CHD1: variants seen among roughly 807,000 people sequenced by gnomAD.
CHD1 encodes ATP-dependent chromatin remodeler CHD1.
A neutral mutation model predicts 224.2 loss-of-function variants in CHD1; 36 were observed. The observed-to-expected ratio is 0.16, with a 90% CI of 0.12 to 0.21. The LOEUF (loss-of-function observed/expected upper bound fraction) is 0.21, where lower values mean the gene tolerates loss of function less well. Among genes scored for constraint, CHD1 ranks in the 10% least tolerant of loss-of-function variants. CHD1 has a pLI of 1.00. For missense variants in CHD1, 1,378 were observed against 1,994.8 expected, an observed-to-expected ratio of 0.69 and a Z score of 5.89; for synonymous variants, 668 against 658.3, an observed-to-expected ratio of 1.01 and a Z score of -0.23.
Position 98,905,044 on chromosome 5 carries a change from A to G in CHD1, c.108T>C (p.Ser36=), listed in dbSNP as rs1178447016. ...SASGSGSGSS[S]GSSSDGSSSQ... ...TACTGCTTCCATCACTACTGCTTCC[A>G]GAACTCGAACCAGATCCAGAGCCTG... is the stretch of plus-strand genomic sequence containing the variant. Residue 36 remains serine, a synonymous_variant, in exon 3 of 36, where the codon TCT becomes TCC. Coordinates refer to ENST00000614616, the MANE Select transcript of CHD1 (RefSeq NM_001270.4). The G allele has an allele frequency of 1.9e-6, 3 of 1,587,972 alleles. No individual in the cohort carries two copies. In the Admixed American group the frequency reaches 5.0e-5, roughly 26 times the overall value.
chr5:98,928,826 G>A lies in CHD1; in HGVS notation c.-436C>T. The A allele has an allele frequency of 6.2e-6, 1 of 160,248 alleles. No individual in the cohort carries two copies. Among genetic ancestry groups the A allele is most frequent in the Non-Finnish European group, 1.4e-5 (1 of 73,900 alleles). 9.9% of individuals were successfully genotyped at this position (160,248 alleles called of 1,614,324 possible). The stretch of plus-strand genomic sequence containing the variant: ...AGTCGTCGCCGCCGCCGCCGCCGCC[G>A]TCGCGCGCGCGCTCCCGCTCCCTCC... On this transcript the variant is annotated 5_prime_UTR_variant, in exon 1 of 36. In the 5' UTR this introduces an upstream ATG that the reference lacks. Coordinates refer to ENST00000614616, the MANE Select transcript of CHD1 (RefSeq NM_001270.4).
chr5:98,862,977 A>T (rs939608204), intron 32 of CHD1, among the ~76,000 whole-genome samples: 8 of 152,072 alleles, frequency 5.3e-5, no homozygotes, highest in Admixed American at 1.3e-4. Context: ...TATTTTCCTA[A>T]TTTTTTGCAT....
chr5:98,926,220 C>T (rs1052869513), intron 2 of CHD1, 114 bp downstream of exon 2: 58 of 634,818 alleles, frequency 9.1e-5, no homozygotes, highest in Non-Finnish European at 1.4e-4. Flanking sequence ...AGAGGAAAAC[C>T]TGAAAACTCT....
At position 98,898,556 on chromosome 5, in the gene CHD1, T is replaced by C. The variant is rs530558759; in HGVS notation, c.1186+108A>G. 4.2e-6 allele frequency: 5 copies of C among 1,204,004 alleles called. No homozygotes were observed. The Admixed American group carries it at 1.0e-4, about 24-fold the overall frequency. The allele number at this position is 1,204,004 out of a possible 1,614,324, so 74.6% of individuals were successfully genotyped here. A position where few individuals can be genotyped will look rare whatever the true frequency, so the allele number is the denominator to read the frequency against. On this transcript the variant is annotated intron_variant, in intron 9 of 35. Coordinates refer to ENST00000614616, the MANE Select transcript of CHD1 (RefSeq NM_001270.4). ...AGCTATCTAGTTTACAATACTGTTT[T>C]AGTAAGAGCAAGCTACTGTGTTTGA...
At chr5:98,891,817 CA>C (rs1751039150) in intron 15 of CHD1, among the ~76,000 whole-genome samples, 1 of 151,864 alleles carries the variant, frequency 6.6e-6, no homozygotes. Context: ...TCTCAAAAAA[CA>C]AACAAACAAA....
intron 10 of CHD1, 125 bp from the exon 11 acceptor site, chr5:98,897,445 C>T: frequency 1.5e-6 from 1 of 656,108 alleles, no homozygotes. Flanking sequence ...TCAGAGATTC[C>T]ATTACTCAAA....
rs553080068 is a variant in CHD1 at position 98,905,113 on chromosome 5, T to C, written c.54-15A>G. On this transcript the variant is annotated splice_polypyrimidine_tract_variant and intron_variant, in intron 2 of 35. Transcript: ENST00000614616. ...CATCCGACTGGCTATAATTTGAAAA[T>C]AAACAATTTCAAACAAAATTCATTA... 1.3e-5 allele frequency: 21 copies of C among 1,612,288 alleles called. No homozygotes were observed. The East Asian group carries it at 3.8e-4, about 29-fold the overall frequency.
At chr5:98,867,846 G>A (rs967312278) in intron 31 of CHD1, among the ~76,000 whole-genome samples, 12 of 133,730 alleles carry the variant, frequency 9.0e-5, no homozygotes, top group African/African-American at 1.9e-4. Context: ...TTGTCGGCCC[G>A]GGCTGGAGTG....
Position 98,872,451 on chromosome 5 carries a change from T to C in CHD1, c.3676A>G (p.Lys1226Glu), listed in dbSNP as rs759859081. 1 of 1,613,436 alleles carries C rather than the reference T, an allele frequency of 6.2e-7. No individual in the cohort carries two copies. The highest frequency in any genetic ancestry group is 8.5e-7 in the Non-Finnish European group (1 of 1,179,718). ...SHEEELIPLH[K>E]SIPSDPEERK... ...TCTTCTGGATCAGAAGGAATGGATT[T>C]GTGCAAAGGTATTAATTCTTCTTCA... The change falls in exon 27 of 36, where the codon AAA (lysine) becomes GAA (glutamate). Residue 1226 changes from lysine to glutamate, a missense_variant. This residue lies in a region of CHD1 where 286 missense variants were observed against 445.1 expected (regional missense o/e 0.64). Transcript: ENST00000614616.
intron 13 of CHD1, among the ~76,000 whole-genome samples, chr5:98,894,311 T>C (rs1231779146): frequency 1.3e-5 from 2 of 152,200 alleles, no homozygotes; most frequent in Non-Finnish European, 2.9e-5. Flanking sequence ...ACTGGTTTCA[T>C]TCGATTGAGT....
chr5:98,859,406 T>C (rs1223453431), intron 33 of CHD1, among the ~76,000 whole-genome samples: 5 of 152,120 alleles, frequency 3.3e-5, no homozygotes, highest in African/African-American at 9.6e-5. Flanking sequence ...TCCACTAATG[T>C]TCTTTATCTG....
intron 25 of CHD1, 90 bp from the exon 26 acceptor site, chr5:98,873,813 T>A: frequency 8.3e-7 from 1 of 1,206,276 alleles, no homozygotes; most frequent in Non-Finnish European, 1.2e-6. Context: ...AAGATCTGAA[T>A]ATCACTCTAC....
Position 98,858,855 on chromosome 5 carries a change from TATAAA to T in CHD1, c.4576+104_4576+108del, listed in dbSNP as rs1748244318. 6 of 605,354 alleles carry T rather than the reference TATAAA, an allele frequency of 9.9e-6. No individual in the cohort carries two copies. The South Asian group carries it at 1.8e-4, about 18-fold the overall frequency. The allele number at this position is 605,354 out of a possible 1,614,324, so 37.5% of individuals were successfully genotyped here. On this transcript the variant is annotated intron_variant, in intron 34 of 35. Transcript: ENST00000614616. ...TGTATCTCCTTAATATAAAGGTACT[TATAAA>T]TAAAAACAAGGTAAGAACCTTTTTT...
chr5:98,872,479 G>A lies in CHD1; in HGVS notation c.3648C>T (p.Ser1216=), dbSNP rs140751250. Residue 1216 remains serine, a synonymous_variant, in exon 27 of 36, where the codon TCC becomes TCT. Coordinates refer to ENST00000614616, the MANE Select transcript of CHD1 (RefSeq NM_001270.4). The part of the protein sequence containing the change: ...GVQVNAKLVI[S]HEEELIPLHK... ...GCAAAGGTATTAATTCTTCTTCATG[G>A]GAGATGACTAGTTTGGCATTCACCT... 314 of 1,612,990 alleles carry A rather than the reference G, an allele frequency of 1.9e-4. 1 individual carries two copies. The African/African-American group carries it at 3.8e-3, about 19-fold the overall frequency.
chr5:98,896,640 G>A (rs191223721), intron 11 of CHD1, among the ~76,000 whole-genome samples, 198 bp from the exon 12 acceptor site: 1 of 152,072 alleles, frequency 6.6e-6, no homozygotes, highest in African/African-American at 2.4e-5. Context: ...TGTAAGAAAA[G>A]TAAAAGGAGA....
intron 17 of CHD1, chr5:98,886,313 C>A (rs566738004): frequency 6.6e-6 from 1 of 152,190 alleles, no homozygotes; most frequent in Non-Finnish European, 1.5e-5. Context: ...TGACTTTTCT[C>A]CACAAACTTT....
At chr5:98,902,294 A>G (rs1751770550) in intron 5 of CHD1, among the ~76,000 whole-genome samples, 1 of 152,140 alleles carries the variant, frequency 6.6e-6, no homozygotes, top group Admixed American at 6.5e-5. Context: ...TTCGCATTAA[A>G]AATGCATGAA....
At chr5:98,883,021 A>G in intron 19 of CHD1, 67 bp downstream of exon 19, 120 of 875,904 alleles carry the variant, frequency 1.4e-4, no homozygotes, top group Non-Finnish European at 1.7e-4. Context: ...GATAAACTGA[A>G]ATCACTTCCA....
intron 2 of CHD1, among the ~76,000 whole-genome samples, chr5:98,920,689 C>A (rs577247853): frequency 5.3e-5 from 8 of 150,888 alleles, no homozygotes; most frequent in South Asian, 2.1e-4. Context: ...CCCAGTCACT[C>A]GGGAGGCTGT....
Sources: gnomAD v4.1 joint callset for allele counts (sites outside exome capture counted in the v4.1 genomes callset) on GRCh38, gnomAD v4.1.1 for gene constraint, gnomAD v4.1.1 regional missense constraint, MANE v1.5 for transcripts, NCBI Gene and HGNC (gene_info 2026-07-23, HGNC 2026-07-21) for gene names.